Variants in ANKS1A observed in about 807,000 individuals in gnomAD.
ANKS1A encodes ankyrin repeat and sterile alpha motif domain containing 1A.
A neutral mutation model predicts 120.3 loss-of-function variants in ANKS1A; 55 were observed. The ratio of observed to expected loss-of-function variants is 0.46; its 90% CI spans 0.37 to 0.57. ANKS1A has a LOEUF of 0.57. Among genes scored for constraint, ANKS1A ranks in the 20% least tolerant of loss-of-function variants. The pLI, the probability that ANKS1A is intolerant of heterozygous loss-of-function variation, is 0.00. For missense variants in ANKS1A, 1,123 were observed against 1,480.3 expected, an observed-to-expected ratio of 0.76 and a Z score of 3.96; for synonymous variants, 590 against 604.7, an observed-to-expected ratio of 0.98 and a Z score of 0.36.
intron 11 of ANKS1A, among the ~76,000 whole-genome samples, chr6:35,021,559 A>T (rs2127561670): frequency 6.6e-6 from 1 of 152,236 alleles, no homozygotes. Context: ...CCAATTAGAG[A>T]TGTGTTTAAC....
rs539731159 is a variant in ANKS1A, at chr6:35,080,890, C to T, written c.2545-104C>T. 3.6e-4 allele frequency: 512 copies of T among 1,403,202 alleles called. 1 individual carries two copies. The highest frequency in any genetic ancestry group is 1.8e-3 in the Middle Eastern group (10 of 5,430). The allele number at this position is 1,403,202 out of a possible 1,614,324, so 86.9% of individuals were successfully genotyped here. On this transcript the variant is annotated intron_variant, in intron 16 of 23. Transcript: ENST00000360359. The stretch of plus-strand genomic sequence containing the variant: ...CCCCTTCGCTCCCTGCTGCTTCTCC[C>T]GGTGCCGCTGCCTGTGCCGTCCTAA...
chr6:34,890,093 AT>A (rs36068725), intron 1 of ANKS1A, among the ~76,000 whole-genome samples: 10,910 of 144,730 alleles, frequency 0.075, 589 homozygotes, highest in East Asian at 0.23. Context: ...ACCTCGCTTT[AT>A]TTTTTTTTTT....
At chr6:35,094,303 G>C (rs1778394581), downstream of ANKS1A, among the ~76,000 whole-genome samples, 1 of 152,144 alleles carries the variant, frequency 6.6e-6, no homozygotes, top group Admixed American at 6.5e-5. Flanking sequence ...GCCAGACATG[G>C]TGGCACAAAC....
chr6:35,032,102 T>C (rs1774938113), intron 11 of ANKS1A, among the ~76,000 whole-genome samples: 2 of 152,150 alleles, frequency 1.3e-5, no homozygotes, highest in Admixed American at 6.5e-5. Context: ...AAGGGAGAGA[T>C]AGATATTAAG....
intron 10 of ANKS1A, among the ~76,000 whole-genome samples, chr6:35,008,158 CAT>C (rs1430865624): frequency 3.3e-5 from 5 of 152,146 alleles, no homozygotes; most frequent in Admixed American, 2.6e-4. Flanking sequence ...AAAGGGAAAA[CAT>C]ATCAATGAGA....
rs745721444 is a variant in ANKS1A, at chr6:34,983,116, C to T, written c.812C>T (p.Thr271Ile). The change falls in exon 6 of 24, where the codon ACT becomes ATT. Residue 271 changes from threonine to isoleucine, a missense_variant. Physicochemically the swap from Thr to Ile is moderately conservative, Grantham distance 89. Coordinates refer to ENST00000360359, the MANE Select transcript of ANKS1A (RefSeq NM_015245.3). ...TCCACCTGGTGTGCCTTTCTAGGAA[C>T]TGACGTCAACATAAAAGATAACCAT... ...DVVQILLAAG[T>I]DVNIKDNHGL... 6.2e-7 allele frequency: 1 copy of T among 1,613,960 alleles called. No individual in the cohort carries two copies. The highest frequency in any genetic ancestry group is 8.5e-7 in the Non-Finnish European group (1 of 1,179,946).
intron 1 of ANKS1A, among the ~76,000 whole-genome samples, chr6:34,941,196 C>G (rs978404543): frequency 6.6e-6 from 1 of 152,066 alleles, no homozygotes; most frequent in African/African-American, 2.4e-5. Context: ...CCATGTTGGT[C>G]GGGCTGGTCT....
At chr6:35,032,389 C>T (rs781585310) in intron 11 of ANKS1A, among the ~76,000 whole-genome samples, 2 of 152,244 alleles carry the variant, frequency 1.3e-5, no homozygotes, top group African/African-American at 2.4e-5. Flanking sequence ...GCTCTTTCCG[C>T]AGGCACTACA....
intron 23 of ANKS1A, 46 bp from the exon 24 acceptor site, chr6:35,088,560 C>A (rs762231840): frequency 5.0e-6 from 8 of 1,611,078 alleles, no homozygotes; most frequent in Non-Finnish European, 6.8e-6. Context: ...GTCCGCAGGC[C>A]CCATTGGTTA....
At chr6:34,905,403 T>A (rs940803815) in intron 1 of ANKS1A, among the ~76,000 whole-genome samples, 4 of 152,240 alleles carry the variant, frequency 2.6e-5, no homozygotes, top group African/African-American at 9.6e-5. Flanking sequence ...AGTCAGTAAC[T>A]GAGTAGCTCA....
rs9368834 is a variant in ANKS1A, at chr6:34,892,987, T to C, written c.197+3388T>C. Among the ~76,000 whole-genome samples, 58 of 152,128 alleles carry C rather than the reference T, an allele frequency of 3.8e-4. 1 individual carries two copies. Among genetic ancestry groups the C allele is most frequent in the Admixed American group, 5.2e-4 (8 of 15,280 alleles). ...CAGTATAGCATTATACTGTCCACTT[T>C]TTCTTAGCATTAAGCATGTTATAGC... On this transcript the variant is annotated intron_variant, in intron 1 of 23. Coordinates refer to ENST00000360359, the MANE Select transcript of ANKS1A (RefSeq NM_015245.3).
rs762746877 is a variant in ANKS1A, at chr6:35,050,880, A to G, written c.2011-3219A>G. 6.6e-6 allele frequency among the ~76,000 whole-genome samples: 1 copy of G among 152,086 alleles called. No homozygotes were observed. Among genetic ancestry groups the G allele is most frequent in the Non-Finnish European group, 1.5e-5 (1 of 68,020 alleles). On this transcript the variant is annotated intron_variant, in intron 11 of 23. Coordinates refer to ENST00000360359, the MANE Select transcript of ANKS1A (RefSeq NM_015245.3). This position sits in a 1 kb window ranked among gnomAD's most constrained non-coding sequence, Gnocchi z 4.3. ...GTCCAGGGTTACAGGCTGTGAGTCC[A>G]TTGCCGAGGACCCTGAGTTTTTCTG...
intron 13 of ANKS1A, among the ~76,000 whole-genome samples, chr6:35,069,505 G>A (rs1460878740): frequency 6.6e-6 from 1 of 152,006 alleles, no homozygotes; most frequent in Non-Finnish European, 1.5e-5. Context: ...ATTAGTGCAA[G>A]GCACTTAGCT....
intron 1 of ANKS1A, among the ~76,000 whole-genome samples, chr6:34,932,480 G>A (rs1354906300): frequency 1.3e-5 from 2 of 152,160 alleles, no homozygotes; most frequent in Non-Finnish European, 2.9e-5. Context: ...CGCCTCCCAA[G>A]TTCAAGAGAT....
At chr6:35,028,971 C>T (rs536069141) in intron 11 of ANKS1A, among the ~76,000 whole-genome samples, 2 of 152,294 alleles carry the variant, frequency 1.3e-5, no homozygotes, top group South Asian at 2.1e-4. Context: ...AATTTACTTT[C>T]CTACCCACAA....
rs1778201127 is a variant in ANKS1A, at chr6:35,089,726, G to C, written c.*1117G>C. The C allele has an allele frequency of 2.0e-6, 2 of 997,084 alleles. No individual in the cohort carries two copies. Among genetic ancestry groups the C allele is most frequent in the Non-Finnish European group, 2.4e-6 (2 of 837,224 alleles). 61.8% of individuals were successfully genotyped at this position (997,084 alleles called of 1,614,324 possible). On this transcript the variant is annotated 3_prime_UTR_variant, in exon 24 of 24. Transcript: ENST00000360359. ...GCGCCTCTGCTTCTTAAGCTTTCCT[G>C]CTGCTCGCTTTGTTTTTAAAAGTAA...
chr6:34,976,777 CGT>C (rs34002253), intron 3 of ANKS1A, among the ~76,000 whole-genome samples: 97,360 of 149,234 alleles, frequency 0.65, 34,027 homozygotes, highest in Non-Finnish European at 0.79. Context: ...TGTGTGTGTG[CGT>C]GTGTGTGTGT....
chr6:34,934,428 G>A (rs949247249), intron 1 of ANKS1A, among the ~76,000 whole-genome samples: 3 of 152,170 alleles, frequency 2.0e-5, no homozygotes, highest in African/African-American at 4.8e-5. Context: ...GATTACAGGC[G>A]TGAGCCACCA....
chr6:35,030,308 T>G (rs1302561602), intron 11 of ANKS1A, among the ~76,000 whole-genome samples: 1 of 152,190 alleles, frequency 6.6e-6, no homozygotes, highest in African/African-American at 2.4e-5. Context: ...GGGAGAAGCA[T>G]GTGTTTCCTT....
Sources: gnomAD v4.1 joint callset for allele counts (sites outside exome capture counted in the v4.1 genomes callset) on GRCh38, gnomAD v4.1.1 for gene constraint, Gnocchi (gnomAD v3.1) non-coding constraint, MANE v1.5 for transcripts, NCBI Gene and HGNC (gene_info 2026-07-23, HGNC 2026-07-21) for gene names.